IDUA: variants seen among roughly 807,000 people sequenced by gnomAD.
IDUA encodes the protein alpha-L-iduronidase, also known as iduronidase alpha-L-.
A neutral mutation model predicts 68.9 loss-of-function variants in IDUA; 65 were observed. That is an observed-to-expected ratio of 0.94 (90% CI 0.77 to 1.16). The LOEUF is 1.16. IDUA is among the 50% of genes most tolerant of loss of function. IDUA has a pLI of 0.00. For missense variants in IDUA, 1,046 were observed against 938.0 expected (o/e 1.12, Z -1.50); for synonymous variants, 529 against 433.6 (o/e 1.22, Z -2.73).
rs543123299 is a variant in IDUA at position 1,003,863 on chromosome 4, C to T, written c.1728-149C>T. 4.1e-4 allele frequency: 347 copies of T among 844,680 alleles called. 4 individuals are homozygous for T. The East Asian group carries it at 8.2e-3, about 20-fold the overall frequency. 52.3% of individuals were successfully genotyped at this position (844,680 alleles called of 1,614,324 possible). A position where few individuals can be genotyped will look rare whatever the true frequency, so the allele number is the denominator to read the frequency against. On this transcript the variant is annotated intron_variant, in intron 12 of 13. Coordinates refer to ENST00000514224, the MANE Select transcript of IDUA (RefSeq NM_000203.5). The stretch of plus-strand genomic sequence containing the variant: ...ACATTCGGGCTCCAGCCCTCTCCTG[C>T]CTGGGCAGGAAGAGTGCCCAGGGGC...
In IDUA at chr4:1,004,544, A is replaced by T; in HGVS notation, c.*151A>T. 6.2e-6 allele frequency: 5 copies of T among 805,370 alleles called. No individual in the cohort carries two copies. In the South Asian group the frequency reaches 9.9e-5, roughly 16 times the overall value. 49.9% of individuals were successfully genotyped at this position (805,370 alleles called of 1,614,324 possible). A position where few individuals can be genotyped will look rare whatever the true frequency, so the allele number is the denominator to read the frequency against. On this transcript the variant is annotated 3_prime_UTR_variant, in exon 14 of 14. Transcript: ENST00000514224. The surrounding 1 kb of genome is among the most constrained non-coding windows in gnomAD (Gnocchi z 5.0). ...ATATCTTGGTACCAACGCCCCCTTT[A>T]AAGCGGCTTTGCACAGGTCAGTCTC...
At chr4:1,002,513 G>C in intron 8 of IDUA, 28 bp downstream of exon 8, 1 of 1,480,364 alleles carries the variant, frequency 6.8e-7, no homozygotes, top group African/African-American at 1.4e-5. Flanking sequence ...GGGTGGGCCG[G>C]CCAGGGCCCT....
In IDUA at chr4:1,002,147, G is replaced by A. The variant is rs1398575078; in HGVS notation, c.958G>A (p.Ala320Thr). Residue 320 changes from alanine to threonine, a missense_variant, in exon 7 of 14, where the codon GCC becomes ACC. Physicochemically the swap from Ala to Thr is moderately conservative, Grantham distance 58. Coordinates refer to ENST00000514224, the MANE Select transcript of IDUA (RefSeq NM_000203.5). ...QPWRADVTYA[A>T]MVVKVIAQHQ... is the part of the protein sequence containing the mutation. ...GTGGAGGGCGGACGTGACCTACGCG[G>A]CCATGGTGGTGAAGGTGGGCCGGCC... The A allele has an allele frequency of 1.9e-6, 3 of 1,558,810 alleles. No individual in the cohort carries two copies. In the Admixed American group the frequency reaches 5.8e-5, roughly 30 times the overall value.
intron 2 of IDUA, among the ~76,000 whole-genome samples, chr4:999,358 A>T (rs1211455920): frequency 6.6e-6 from 1 of 152,050 alleles, no homozygotes; most frequent in African/African-American, 2.4e-5. Context: ...ATCCACCCTT[A>T]TTCTGTCTCA....
chr4:995,943 C>A (rs1372873134), intron 2 of IDUA, among the ~76,000 whole-genome samples: 1 of 151,860 alleles, frequency 6.6e-6, no homozygotes, highest in Non-Finnish European at 1.5e-5. Context: ...GGTCTCGTAC[C>A]CCAGAGTGTG....
rs528314965 is a variant in IDUA at position 991,349 on chromosome 4, G to A, written c.299+3400G>A. 22 of 1,612,898 alleles carry A rather than the reference G, an allele frequency of 1.4e-5. No individual in the cohort carries two copies. The highest frequency in any genetic ancestry group is 4.4e-5 in the South Asian group (4 of 91,088). On this transcript the variant is annotated intron_variant, in intron 2 of 13. Coordinates refer to ENST00000514224, the MANE Select transcript of IDUA (RefSeq NM_000203.5). ...CTGAAGATGCCCACGGAGACATGCC[G>A]TGAGGTGCCCATGAGGAAGTAGATG...
Position 1,003,326 on chromosome 4 carries a change from G to A in IDUA, c.1525-19G>A. The A allele has an allele frequency of 6.9e-7, 1 of 1,446,926 alleles. No homozygotes were observed. The highest frequency in any genetic ancestry group is 9.0e-7 in the Non-Finnish European group (1 of 1,108,514). The allele number at this position is 1,446,926 out of a possible 1,614,324, so 89.6% of individuals were successfully genotyped here. A position where few individuals can be genotyped will look rare whatever the true frequency, so the allele number is the denominator to read the frequency against. Reference sequence around the variant, plus strand: ...CCCAGCTCCCCTGGAGAACCCTGAGGACCGGCCACTGCGCCCAGGACCCGG... The same window carrying A: ...CCCAGCTCCCCTGGAGAACCCTGAGAACCGGCCACTGCGCCCAGGACCCGG... On this transcript the variant is annotated intron_variant, in intron 10 of 13. Coordinates refer to ENST00000514224, the MANE Select transcript of IDUA (RefSeq NM_000203.5).
At chr4:991,565 G>T in intron 2 of IDUA, 1 of 1,603,250 alleles carries the variant, frequency 6.2e-7, no homozygotes, top group Non-Finnish European at 8.5e-7. Context: ...ACCAGCGCCC[G>T]GACGCACAGC....
intron 2 of IDUA, among the ~76,000 whole-genome samples, chr4:998,811 C>G (rs1714897896): frequency 6.7e-6 from 1 of 148,212 alleles, no homozygotes; most frequent in Non-Finnish European, 1.5e-5. Flanking sequence ...CAGCTCACCT[C>G]AAACCTCATC....
intron 2 of IDUA, among the ~76,000 whole-genome samples, chr4:996,621 G>C (rs1003827152): frequency 6.6e-6 from 1 of 152,224 alleles, no homozygotes; most frequent in Non-Finnish European, 1.5e-5. Context: ...TCTTCTGCAG[G>C]CATTGGGCCT....
intron 9 of IDUA, 37 bp downstream of exon 9, chr4:1,002,981 G>C (rs1252236116): frequency 2.1e-6 from 3 of 1,399,414 alleles, no homozygotes; most frequent in Middle Eastern, 1.9e-4. Flanking sequence ...TGGCCCCGCT[G>C]GGGCTCTGGA....
rs1378699648 is a variant in IDUA at position 1,002,329 on chromosome 4, C to CTCCTGAGCAACGACAATGCCT, written c.1042_1062dup (p.Asn348_Ser354dup). On this transcript the variant is annotated inframe_insertion, in exon 8 of 14. Transcript: ENST00000514224. ...CACCACCTCCGCCTTCCCCTACGCG[C>CTCCTGAGCAACGACAATGCCT]TCCTGAGCAACGACAATGCCTTCCT... 6.2e-6 allele frequency: 10 copies of CTCCTGAGCAACGACAATGCCT among 1,613,162 alleles called. No individual in the cohort carries two copies. In the Admixed American group the frequency reaches 1.5e-4, roughly 24 times the overall value.
intron 10 of IDUA, 72 bp downstream of exon 10, chr4:1,003,229 G>T (rs1391273546): frequency 3.9e-5 from 50 of 1,274,790 alleles, no homozygotes; most frequent in Non-Finnish European, 5.0e-5. Flanking sequence ...CGGGGCGGGG[G>T]CTCCGAGGCG....
At chr4:1,003,676 G>A in intron 12 of IDUA, 51 bp downstream of exon 12, 1 of 1,597,770 alleles carries the variant, frequency 6.3e-7, no homozygotes, top group Non-Finnish European at 8.6e-7. Context: ...GCAGGTCCCT[G>A]GGTCCCGACC....
In IDUA at chr4:996,985, C is replaced by T. The variant is rs545128168; in HGVS notation, c.300-3627C>T. ...CCTCCCTCCTGAACCCCCCTCCCGCCTGAACCCCTGGCCAGTCTTGTGTCA... is the reference window on the plus strand; with the variant it reads ...CCTCCCTCCTGAACCCCCCTCCCGCTTGAACCCCTGGCCAGTCTTGTGTCA... On this transcript the variant is annotated intron_variant, in intron 2 of 13. Coordinates refer to ENST00000514224, the MANE Select transcript of IDUA (RefSeq NM_000203.5). Among the ~76,000 whole-genome samples, 7 of 152,354 alleles carry T rather than the reference C, an allele frequency of 4.6e-5. No homozygotes were observed. In the East Asian group the frequency reaches 1.4e-3, roughly 29 times the overall value.
chr4:1,003,278 G>A, intron 10 of IDUA, 67 bp from the exon 11 acceptor site: 2 of 1,361,944 alleles, frequency 1.5e-6, no homozygotes, highest in Non-Finnish European at 1.9e-6. Flanking sequence ...GGGGGCGTTC[G>A]CCCTGAGGTC....
Position 1,001,706 on chromosome 4 carries a change from C to T in IDUA, c.617C>T (p.Ser206Leu), listed in dbSNP as rs756131787. The stretch of plus-strand genomic sequence containing the variant: ...TTCCTGAACTACTACGATGCCTGCT[C>T]GGAGGGTCTGCGCGCCGCCAGCCCC... ...QGFLNYYDACSEGLRAASPAL... is the reference protein window; with the variant it reads ...QGFLNYYDACLEGLRAASPAL... Residue 206 changes from serine to leucine, a missense_variant, in exon 6 of 14, where the codon TCG (serine) becomes TTG (leucine). Ser to Leu is a moderately radical substitution (Grantham distance 145, BLOSUM62 -2). Coordinates refer to ENST00000514224, the MANE Select transcript of IDUA (RefSeq NM_000203.5). 8.1e-6 allele frequency: 13 copies of T among 1,599,634 alleles called. No individual in the cohort carries two copies. Among genetic ancestry groups the T allele is most frequent in the Middle Eastern group, 1.6e-4 (1 of 6,078 alleles).
chr4:987,376 C>T, intron 1 of IDUA, 134 bp downstream of exon 1: 1 of 954,808 alleles, frequency 1.0e-6, no homozygotes, highest in Non-Finnish European at 1.5e-6. Flanking sequence ...GCCCGCCCCC[C>T]GCCGTGTTTG....
intron 2 of IDUA, among the ~76,000 whole-genome samples, chr4:998,960 C>G (rs1714906074): frequency 6.6e-6 from 1 of 152,028 alleles, no homozygotes; most frequent in African/African-American, 2.4e-5. Flanking sequence ...TTGAAAAATG[C>G]TCTGGAAGCC....
Sources: allele counts gnomAD v4.1 joint callset (sites outside exome capture counted in the v4.1 genomes callset), GRCh38; gene constraint gnomAD v4.1.1; non-coding constraint Gnocchi (gnomAD v3.1); transcripts MANE v1.5; gene names NCBI Gene and HGNC (gene_info 2026-07-23, HGNC 2026-07-21).